ZDHHC5: variants seen among roughly 807,000 people sequenced by gnomAD.
ZDHHC5 encodes the protein palmitoyltransferase ZDHHC5.
In ZDHHC5, 22 loss-of-function variants were observed where a neutral mutation model predicts 70.0. That is an observed-to-expected ratio of 0.31 (90% CI 0.22 to 0.45). The LOEUF is 0.45. ZDHHC5 is among the 20% of genes least tolerant of loss of function. ZDHHC5 has a pLI of 1.00. For synonymous variants in ZDHHC5, 313 were observed against 347.8 expected (o/e 0.90, Z 1.11); for missense variants, 746 against 926.9 (o/e 0.80, Z 2.53).
intron 9 of ZDHHC5, 61 bp from the exon 10 acceptor site, chr11:57,696,700 C>T: frequency 6.8e-7 from 1 of 1,466,152 alleles, no homozygotes; most frequent in Non-Finnish European, 9.5e-7. Flanking sequence ...GAGTGAGACC[C>T]TGTCTCTTAA....
chr11:57,675,807 A>G (rs1946064754), intron 2 of ZDHHC5, among the ~76,000 whole-genome samples: 1 of 152,306 alleles, frequency 6.6e-6, no homozygotes, highest in African/African-American at 2.4e-5. Context: ...TGTTCTTAAA[A>G]ACTATCCTCT....
chr11:57,686,901 G>T (rs1946214735), intron 3 of ZDHHC5, among the ~76,000 whole-genome samples: 1 of 151,268 alleles, frequency 6.6e-6, no homozygotes, highest in Non-Finnish European at 1.5e-5. Context: ...CATGATCTTG[G>T]CTTACTGCAA....
intron 10 of ZDHHC5, among the ~76,000 whole-genome samples, chr11:57,697,666 T>C (rs1161932883): frequency 7.0e-6 from 1 of 143,508 alleles, no homozygotes; most frequent in Non-Finnish European, 1.5e-5. Flanking sequence ...AAAAATTAGC[T>C]GGTAGTGGTA....
At chr11:57,689,291 A>G (rs939896395) in intron 4 of ZDHHC5, among the ~76,000 whole-genome samples, 1 of 152,190 alleles carries the variant, frequency 6.6e-6, no homozygotes, top group Non-Finnish European at 1.5e-5. Flanking sequence ...ATGTTTCTGC[A>G]AAACCTCTGA....
Position 57,672,515 on chromosome 11 carries a change from TTAAA to T in ZDHHC5, c.-575_-572del. 1 of 334,884 alleles carries T rather than the reference TTAAA, an allele frequency of 3.0e-6. No individual in the cohort carries two copies. Among genetic ancestry groups the T allele is most frequent in the South Asian group, 1.5e-4 (1 of 6,492 alleles). 20.7% of individuals were successfully genotyped at this position (334,884 alleles called of 1,614,324 possible). A position where few individuals can be genotyped will look rare whatever the true frequency, so the allele number is the denominator to read the frequency against. ...AGACTGCAGTAAACAAAGCTCCTCTTTAAAGTTGGAAGGGGCCTCAGGTTCCTTC... is the reference window on the plus strand; with the variant it reads ...AGACTGCAGTAAACAAAGCTCCTCTTGTTGGAAGGGGCCTCAGGTTCCTTC... On this transcript the variant is annotated 5_prime_UTR_variant, in exon 2 of 12. Transcript: ENST00000287169.
intron 2 of ZDHHC5, among the ~76,000 whole-genome samples, chr11:57,673,493 G>C (rs749250645): frequency 1.3e-5 from 2 of 152,206 alleles, no homozygotes; most frequent in Non-Finnish European, 2.9e-5. Context: ...AAGCTAGGAA[G>C]GAAGTGGGAG....
chr11:57,683,972 A>ATT (rs11435194), intron 3 of ZDHHC5, among the ~76,000 whole-genome samples: 36,456 of 135,834 alleles, frequency 0.27, 5,237 homozygotes, highest in Non-Finnish European at 0.32. Context: ...CTAATAATTA[A>ATT]TTTTTTTTTT....
chr11:57,677,213 G>C (rs1052551929), intron 2 of ZDHHC5, among the ~76,000 whole-genome samples: 3 of 146,500 alleles, frequency 2.0e-5, no homozygotes, highest in African/African-American at 7.6e-5. Context: ...GAGCCACCAC[G>C]CCCAGCCCCT....
intron 2 of ZDHHC5, among the ~76,000 whole-genome samples, chr11:57,679,240 C>T (rs942406539): frequency 1.3e-5 from 2 of 152,144 alleles, no homozygotes; most frequent in African/African-American, 2.4e-5. Flanking sequence ...TGGCTCACTG[C>T]AACCTCTGCC....
At chr11:57,681,402 T>G (rs906340792) in intron 2 of ZDHHC5, 1 of 152,236 alleles carries the variant, frequency 6.6e-6, no homozygotes, top group Non-Finnish European at 1.5e-5. Context: ...ATTCTGGAGA[T>G]TAAGTTCTCA....
chr11:57,684,062 C>G (rs1020175071), intron 3 of ZDHHC5, among the ~76,000 whole-genome samples: 1 of 135,950 alleles, frequency 7.4e-6, no homozygotes, highest in African/African-American at 2.6e-5. Context: ...GCCTTGACCC[C>G]CCCCTGGCTC....
intron 3 of ZDHHC5, among the ~76,000 whole-genome samples, chr11:57,686,452 A>C (rs1468867649): frequency 2.6e-5 from 4 of 151,930 alleles, no homozygotes; most frequent in South Asian, 2.1e-4. Flanking sequence ...AGTCGCTGGA[A>C]TTACAGGAGC....
Position 57,690,499 on chromosome 11 carries a change from T to G in ZDHHC5, c.660+62T>G, listed in dbSNP as rs1012504325. The G allele has an allele frequency of 6.5e-6, 10 of 1,547,424 alleles. No homozygotes were observed. In the Admixed American group the frequency reaches 6.7e-5, roughly 10 times the overall value. On this transcript the variant is annotated intron_variant, in intron 6 of 11. Transcript: ENST00000287169. ...GGTCATGTCTCTTTAGCCTTCTGAT[T>G]AGTGTGCAGTGTAGTGCTTCCACAA...
intron 10 of ZDHHC5, among the ~76,000 whole-genome samples, chr11:57,698,282 A>G (rs930180590): frequency 6.6e-6 from 1 of 152,206 alleles, no homozygotes; most frequent in African/African-American, 2.4e-5. Flanking sequence ...AGACTGGGCA[A>G]TATAGCATAA....
intron 1 of ZDHHC5, among the ~76,000 whole-genome samples, 170 bp from the exon 2 acceptor site, chr11:57,671,851 A>T (rs1006577448): frequency 6.6e-6 from 1 of 152,240 alleles, no homozygotes; most frequent in Non-Finnish European, 1.5e-5. Context: ...TTCTCAAGTC[A>T]GTTTTCCTCT....
intron 2 of ZDHHC5, among the ~76,000 whole-genome samples, chr11:57,674,040 A>C (rs1255624440): frequency 6.6e-6 from 1 of 152,206 alleles, no homozygotes; most frequent in African/African-American, 2.4e-5. Context: ...TTGTACTCTT[A>C]AGAACAGAAG....
Position 57,696,145 on chromosome 11 carries a change from G to A in ZDHHC5, c.1009+102G>A. On this transcript the variant is annotated intron_variant, in intron 9 of 11. Coordinates refer to ENST00000287169, the MANE Select transcript of ZDHHC5 (RefSeq NM_015457.3). Reference sequence around the variant, plus strand: ...AGGCAAGGGCTGGGAGATATTACTCGTGTTGTGACTTTAAACACCCAACAG... The same window carrying A: ...AGGCAAGGGCTGGGAGATATTACTCATGTTGTGACTTTAAACACCCAACAG... 9.5e-6 allele frequency: 14 copies of A among 1,474,304 alleles called. No individual in the cohort carries two copies. The South Asian group carries it at 1.6e-4, about 16-fold the overall frequency. The allele number at this position is 1,474,304 out of a possible 1,614,324, so 91.3% of individuals were successfully genotyped here.
chr11:57,698,118 A>AACACACACACACACAC (rs113494839), intron 10 of ZDHHC5, among the ~76,000 whole-genome samples: 3,343 of 110,266 alleles, frequency 0.03, 163 homozygotes, highest in African/African-American at 0.086. Context: ...CTGGGCTTAA[A>AACACACACACACACAC]ACACACACAC....
intron 4 of ZDHHC5, among the ~76,000 whole-genome samples, chr11:57,689,265 T>C (rs897068020): frequency 1.3e-5 from 2 of 152,012 alleles, no homozygotes; most frequent in Admixed American, 1.3e-4. Context: ...CTAATCCTCT[T>C]TTCTTATGAA....
Sources: allele counts gnomAD v4.1 joint callset (sites outside exome capture counted in the v4.1 genomes callset), GRCh38; gene constraint gnomAD v4.1.1; transcripts MANE v1.5; gene names NCBI Gene and HGNC (gene_info 2026-07-23, HGNC 2026-07-21).